Variants in BTBD9 observed in about 807,000 individuals in gnomAD.
BTBD9 encodes the protein BTB/POZ domain-containing protein 9.
Under a neutral mutation model 64.3 loss-of-function variants are expected in BTBD9, and 49 were observed. That is an observed-to-expected ratio of 0.76 (90% CI 0.61 to 0.97). The LOEUF (loss-of-function observed/expected upper bound fraction) is 0.97, where lower values mean the gene tolerates loss of function less well. BTBD9 is among the 50% of genes least tolerant of loss of function. The probability of loss-of-function intolerance (pLI) is 0.00; values close to 1 mark genes in which losing one functional copy is unlikely to be tolerated. For synonymous variants in BTBD9, 260 were observed against 274.7 expected (o/e 0.95, Z 0.53); for missense variants, 598 against 762.1 (o/e 0.78, Z 2.53).
chr6:38,612,553 A>C (rs1777645299), intron 1 of BTBD9, among the ~76,000 whole-genome samples: 1 of 152,222 alleles, frequency 6.6e-6, no homozygotes, highest in African/African-American at 2.4e-5. Flanking sequence ...TTTTCATTAG[A>C]AACAATGTTG....
intron 6 of BTBD9, among the ~76,000 whole-genome samples, chr6:38,460,646 C>T (rs1029037079): frequency 1.3e-5 from 2 of 152,044 alleles, no homozygotes; most frequent in African/African-American, 2.4e-5. Flanking sequence ...TTTTTTGAGA[C>T]GTAGTCTTGC....
intron 6 of BTBD9, among the ~76,000 whole-genome samples, chr6:38,408,576 T>C (rs564150820): frequency 2.0e-4 from 30 of 152,298 alleles, no homozygotes; most frequent in Admixed American, 4.6e-4. Context: ...CATCATGAGA[T>C]ATAGTTGTTA....
Position 38,288,129 on chromosome 6 carries a change from G to A in BTBD9, c.1454+143C>T, listed in dbSNP as rs1231406730. ...ATATCTCGTTGTTGTCCCTTCCTTC[G>A]GCTCCCACTCCTTTCTTGATACTTA... On this transcript the variant is annotated intron_variant, in intron 8 of 10. Transcript: ENST00000481247. The A allele has an allele frequency of 1.2e-5, 10 of 853,772 alleles. No individual in the cohort carries two copies. In the East Asian group the frequency reaches 1.3e-4, roughly 11 times the overall value. The allele number at this position is 853,772 out of a possible 1,614,324, so 52.9% of individuals were successfully genotyped here. A position where few individuals can be genotyped will look rare whatever the true frequency, so the allele number is the denominator to read the frequency against.
intron 9 of BTBD9, among the ~76,000 whole-genome samples, chr6:38,202,090 T>G (rs1289058378): frequency 1.5e-4 from 23 of 149,704 alleles, no homozygotes; most frequent in Non-Finnish European, 2.5e-4. Context: ...TTTTTGTTTT[T>G]TTTTTTTTTT....
chr6:38,408,022 T>C (rs1301576807), intron 6 of BTBD9, among the ~76,000 whole-genome samples: 1 of 152,164 alleles, frequency 6.6e-6, no homozygotes, highest in Non-Finnish European at 1.5e-5. Flanking sequence ...AACCTAAAAT[T>C]AGGCCACTTT....
chr6:38,266,534 T>C (rs1409927844), intron 8 of BTBD9, among the ~76,000 whole-genome samples: 4 of 150,220 alleles, frequency 2.7e-5, no homozygotes, highest in Admixed American at 1.3e-4. Flanking sequence ...GATTGTGCCA[T>C]TGCATTCCAG....
At chr6:38,332,598 A>T (rs1454722285) in intron 7 of BTBD9, among the ~76,000 whole-genome samples, 2 of 151,568 alleles carry the variant, frequency 1.3e-5, no homozygotes, top group African/African-American at 4.9e-5. Context: ...TTTATTTTTT[A>T]TTTTTTTCAG....
At chr6:38,260,649 C>T (rs1764758139) in intron 8 of BTBD9, among the ~76,000 whole-genome samples, 1 of 152,134 alleles carries the variant, frequency 6.6e-6, no homozygotes, top group Non-Finnish European at 1.5e-5. Context: ...CTGTAAGTAG[C>T]TTATTCTATA....
At chr6:38,458,604 C>T (rs1321095834) in intron 6 of BTBD9, among the ~76,000 whole-genome samples, 1 of 152,124 alleles carries the variant, frequency 6.6e-6, no homozygotes, top group African/African-American at 2.4e-5. Flanking sequence ...ATAGACAGAT[C>T]CCTAACAGGA....
intron 7 of BTBD9, among the ~76,000 whole-genome samples, chr6:38,306,524 A>G (rs1762630023): frequency 6.6e-6 from 1 of 152,252 alleles, no homozygotes; most frequent in African/African-American, 2.4e-5. Flanking sequence ...TACATTCTGC[A>G]AAGTGTATGA....
chr6:38,249,467 T>C (rs1015595976), intron 9 of BTBD9, among the ~76,000 whole-genome samples: 1 of 152,158 alleles, frequency 6.6e-6, no homozygotes, highest in Non-Finnish European at 1.5e-5. Flanking sequence ...GGTCTCACTA[T>C]GTTGCTGGGG....
At chr6:38,329,684 G>C (rs1043667971) in intron 7 of BTBD9, among the ~76,000 whole-genome samples, 9 of 152,224 alleles carry the variant, frequency 5.9e-5, no homozygotes, top group Non-Finnish European at 1.5e-5. Context: ...GCTGGGCACA[G>C]TGGCTCACGC....
At chr6:38,458,434 G>A (rs1221310663) in intron 6 of BTBD9, among the ~76,000 whole-genome samples, 1 of 152,104 alleles carries the variant, frequency 6.6e-6, no homozygotes, top group Non-Finnish European at 1.5e-5. Context: ...CATTTGATTT[G>A]TCCTCCCAAA....
intron 6 of BTBD9, among the ~76,000 whole-genome samples, chr6:38,552,618 T>G (rs1774858012): frequency 6.6e-6 from 1 of 151,876 alleles, no homozygotes; most frequent in South Asian, 2.1e-4. Flanking sequence ...AATACAAAAA[T>G]TAGCCGGGTG....
At chr6:38,421,185 T>C (rs1767888925) in intron 6 of BTBD9, among the ~76,000 whole-genome samples, 1 of 151,856 alleles carries the variant, frequency 6.6e-6, no homozygotes, top group African/African-American at 2.4e-5. Flanking sequence ...AAACCCCATC[T>C]CCACTAAAAA....
chr6:38,283,850 A>G (rs1177281440), intron 8 of BTBD9, among the ~76,000 whole-genome samples: 1 of 152,222 alleles, frequency 6.6e-6, no homozygotes, highest in Admixed American at 6.5e-5. Context: ...AAAGCAAGTC[A>G]GCCATCACAA....
chr6:38,611,132 A>T (rs1192594002), intron 1 of BTBD9, among the ~76,000 whole-genome samples: 1 of 152,148 alleles, frequency 6.6e-6, no homozygotes, highest in Non-Finnish European at 1.5e-5. Flanking sequence ...GTTTAAATAC[A>T]TATACGTATA....
intron 6 of BTBD9, among the ~76,000 whole-genome samples, chr6:38,480,217 C>T (rs1481052679): frequency 6.6e-6 from 1 of 152,184 alleles, no homozygotes; most frequent in Non-Finnish European, 1.5e-5. Flanking sequence ...CTGCATGATT[C>T]TGAGCAAGCT....
chr6:38,609,642 G>T (rs959549410), intron 1 of BTBD9, among the ~76,000 whole-genome samples: 1 of 152,252 alleles, frequency 6.6e-6, no homozygotes, highest in South Asian at 2.1e-4. Flanking sequence ...CGGTTCTTCT[G>T]TATTCTGTTC....
Sources: gnomAD v4.1 joint callset for allele counts (sites outside exome capture counted in the v4.1 genomes callset) on GRCh38, gnomAD v4.1.1 for gene constraint, MANE v1.5 for transcripts, NCBI Gene and HGNC (gene_info 2026-07-23, HGNC 2026-07-21) for gene names.